ZNF649: variants seen among roughly 807,000 people sequenced by gnomAD.
ZNF649 encodes the protein zinc finger protein 649.
A neutral mutation model predicts 14.1 loss-of-function variants in ZNF649; 7 were observed. That is an observed-to-expected ratio of 0.49 (90% confidence interval 0.28 to 0.93). ZNF649 has a LOEUF of 0.93. Among genes scored for constraint, ZNF649 ranks in the 40% least tolerant of loss-of-function variants. The pLI is 0.10. For missense variants in ZNF649, 544 were observed against 608.1 expected (o/e 0.89, Z 1.11); for synonymous variants, 227 against 212.3 (o/e 1.07, Z -0.60).
In ZNF649 at chr19:51,892,049, A is replaced by C. The variant is rs537765359; in HGVS notation, c.239-152T>G. The C allele has an allele frequency of 1.9e-5, 19 of 1,008,370 alleles. No homozygotes were observed. The East Asian group carries it at 5.4e-4, about 29-fold the overall frequency. The allele number at this position is 1,008,370 out of a possible 1,614,324, so 62.5% of individuals were successfully genotyped here. ...ATAAGTGTTCCCTATCTGTTAAAAA[A>C]ACTTTTAAGAATTGTAGTTAAATAC... is the stretch of plus-strand genomic sequence containing the variant. On this transcript the variant is annotated intron_variant, in intron 4 of 4. Transcript: ENST00000354957.
rs148926580 is a variant in ZNF649 at position 51,896,227 on chromosome 19, G to C, written c.238+245C>G. On this transcript the variant is annotated intron_variant, in intron 4 of 4. Transcript: ENST00000354957. ...GAAGATGTGAAAATCCAAGCAAGAA[G>C]AACTTAGGGGAAGCAACTCAACATC... 33 of 351,004 alleles carry C rather than the reference G, an allele frequency of 9.4e-5. No individual in the cohort carries two copies. The East Asian group carries it at 9.7e-4, about 10-fold the overall frequency. 21.7% of individuals were successfully genotyped at this position (351,004 alleles called of 1,614,324 possible). A position where few individuals can be genotyped will look rare whatever the true frequency, so the allele number is the denominator to read the frequency against.
In ZNF649 at chr19:51,891,396, T is replaced by C. The variant is rs2085021267; in HGVS notation, c.740A>G (p.Tyr247Cys). The C allele has an allele frequency of 6.2e-7, 1 of 1,613,908 alleles. No individual in the cohort carries two copies. The highest frequency in any genetic ancestry group is 8.5e-7 in the Non-Finnish European group (1 of 1,179,916). ...SLCGKAFYKR[Y>C]RLTEHERAHK... is the part of the protein sequence containing the mutation. ...AGCTCTCTCGTGTTCAGTGAGCCTG[T>C]ACCTCTTGTAGAAGGCTTTCCCACA... is the stretch of plus-strand genomic sequence containing the variant. Residue 247 changes from tyrosine (Y) to cysteine (C), a missense_variant, in exon 5 of 5, where the codon TAC (tyrosine) becomes TGC (cysteine). Coordinates refer to ENST00000354957, the MANE Select transcript of ZNF649 (RefSeq NM_023074.4). The surrounding 1 kb of genome is among the most constrained non-coding windows in gnomAD (Gnocchi z 4.2).
chr19:51,895,151 T>C (rs974877027), intron 4 of ZNF649, among the ~76,000 whole-genome samples: 2 of 152,162 alleles, frequency 1.3e-5, no homozygotes, highest in Non-Finnish European at 2.9e-5. Context: ...GTGGTATCTA[T>C]GGGAGTGGCT....
chr19:51,904,585 C>A (rs1222693046), intron 1 of ZNF649, among the ~76,000 whole-genome samples: 2 of 151,990 alleles, frequency 1.3e-5, no homozygotes, highest in Admixed American at 6.6e-5. Context: ...CCGGCTTCAT[C>A]ACCGACTTTA....
intron 1 of ZNF649, among the ~76,000 whole-genome samples, 163 bp downstream of exon 1, chr19:51,904,751 C>A (rs2085113834): frequency 6.6e-6 from 1 of 152,120 alleles, no homozygotes; most frequent in Non-Finnish European, 1.5e-5. Flanking sequence ...AGTCGCTGAA[C>A]TCGACAGACC....
chr19:51,891,546 T>C lies in ZNF649; in HGVS notation c.590A>G (p.Lys197Arg), dbSNP rs763422101. 6.8e-6 allele frequency: 11 copies of C among 1,614,264 alleles called. No individual in the cohort carries two copies. The highest frequency in any genetic ancestry group is 8.5e-6 in the Non-Finnish European group (10 of 1,180,052). ...GGGTTTCTTTCCTGTATGAATTCTC[T>C]TATGCTCAGTGAGCTGAGACTTCTT... ...FLKKSQLTEHKRIHTGKKPHV... is the reference protein window; with the variant it reads ...FLKKSQLTEHRRIHTGKKPHV... The change falls in exon 5 of 5, where the codon AAG (lysine) becomes AGG (arginine). Residue 197 changes from lysine (K) to arginine (R), a missense_variant. Physicochemically the swap from Lys to Arg is conservative, Grantham distance 26 (BLOSUM62 2). Coordinates refer to ENST00000354957, the MANE Select transcript of ZNF649 (RefSeq NM_023074.4). The surrounding 1 kb of genome is among the most constrained non-coding windows in gnomAD (Gnocchi z 4.2).
In ZNF649 at chr19:51,891,255, T is replaced by C. The variant is rs375389369; in HGVS notation, c.881A>G (p.Glu294Gly). The C allele has an allele frequency of 1.9e-6, 3 of 1,614,136 alleles. No individual in the cohort carries two copies. The highest frequency in any genetic ancestry group is 2.5e-6 in the Non-Finnish European group (3 of 1,180,052). Residue 294 changes from glutamate (E) to glycine (G), a missense_variant, in exon 5 of 5, where the codon GAA becomes GGA. Physicochemically the swap from Glu to Gly is moderately conservative, Grantham distance 98. Coordinates refer to ENST00000354957, the MANE Select transcript of ZNF649 (RefSeq NM_023074.4). This position sits in a 1 kb window ranked among gnomAD's most constrained non-coding sequence, Gnocchi z 4.2. ...HTGIKPHQCS[E>G]CGRAFSRKSL... ...TTTTCTGGAGAAAGCTCTCCCACATTCGCTGCATTGATGGGGCTTAATTCC... is the reference window on the plus strand; with the variant it reads ...TTTTCTGGAGAAAGCTCTCCCACATCCGCTGCATTGATGGGGCTTAATTCC...
intron 2 of ZNF649, 128 bp from the exon 3 acceptor site, chr19:51,897,106 TG>T: frequency 2.2e-6 from 3 of 1,347,326 alleles, no homozygotes; most frequent in Non-Finnish European, 3.1e-6. Context: ...CTCAATGGAA[TG>T]GTTTCAGGAT....
intron 1 of ZNF649, among the ~76,000 whole-genome samples, chr19:51,902,920 CCTA>C (rs1174110857): frequency 4.3e-4 from 65 of 152,172 alleles, no homozygotes; most frequent in African/African-American, 1.5e-3. Flanking sequence ...CCCAAGGCGA[CCTA>C]CTAGAGCGAT....
Position 51,896,584 on chromosome 19 carries a change from G to T in ZNF649, c.143-17C>A. ...CTTGATACCCTGTTTGTGGGAAATG[G>T]GAGAAGACTTAGGCTCACTGAATTG... is the stretch of plus-strand genomic sequence containing the variant. On this transcript the variant is annotated splice_polypyrimidine_tract_variant and intron_variant, in intron 3 of 4. Coordinates refer to ENST00000354957, the MANE Select transcript of ZNF649 (RefSeq NM_023074.4). 6.2e-7 allele frequency: 1 copy of T among 1,613,388 alleles called. No individual in the cohort carries two copies. The highest frequency in any genetic ancestry group is 8.5e-7 in the Non-Finnish European group (1 of 1,179,332).
At chr19:51,897,821 A>G (rs76968510) in intron 2 of ZNF649, among the ~76,000 whole-genome samples, 2,473 of 152,208 alleles carry the variant, frequency 0.016, 68 homozygotes, top group African/African-American at 0.057. Flanking sequence ...AGTCTTTCAC[A>G]TTGAAAATCT....
rs2085069010 is a variant in ZNF649, at chr19:51,897,363, G to A, written c.16-385C>T. On this transcript the variant is annotated intron_variant, in intron 2 of 4. Transcript: ENST00000354957. The stretch of plus-strand genomic sequence containing the variant: ...ATATTCTATATTTTATAATAACCAT[G>A]CAGCCATCCATTAATCCAACAAATC... 3.8e-5 allele frequency: 7 copies of A among 184,888 alleles called. No individual in the cohort carries two copies. The South Asian group carries it at 3.8e-4, about 10-fold the overall frequency. The allele number at this position is 184,888 out of a possible 1,614,324, so 11.5% of individuals were successfully genotyped here.
intron 2 of ZNF649, among the ~76,000 whole-genome samples, chr19:51,897,380 CA>C (rs1290795281): frequency 1.3e-5 from 2 of 152,042 alleles, no homozygotes; most frequent in Admixed American, 6.6e-5. Flanking sequence ...TCCATTAATC[CA>C]ACAAATCATA....
At position 51,890,660 on chromosome 19, in the gene ZNF649, C is replaced by G. The variant is rs1358560890; in HGVS notation, c.1476G>C (p.Met492Ile). 1 of 1,613,926 alleles carries G rather than the reference C, an allele frequency of 6.2e-7. No homozygotes were observed. The highest frequency in any genetic ancestry group is 1.3e-5 in the African/African-American group (1 of 74,916). The stretch of plus-strand genomic sequence containing the variant: ...GGGCAAACTCACACTGCCCTGCCAC[C>G]ATTGCCACAGTTACCATATTAACAG... ...KSPVNMVTVAMVAGQCEFAHI... is the reference protein window; with the variant it reads ...KSPVNMVTVAIVAGQCEFAHI... The change falls in exon 5 of 5, where the codon ATG (methionine) becomes ATC (isoleucine). Residue 492 changes from methionine (M) to isoleucine (I), a missense_variant. Met to Ile is a conservative substitution (Grantham distance 10). Coordinates refer to ENST00000354957, the MANE Select transcript of ZNF649 (RefSeq NM_023074.4).
intron 4 of ZNF649, among the ~76,000 whole-genome samples, chr19:51,895,406 C>T (rs373274603): frequency 7.2e-5 from 11 of 152,026 alleles, no homozygotes; most frequent in South Asian, 2.1e-4. Context: ...TGAAATGGCG[C>T]GATCTCAGCT....
rs747739024 is a variant in ZNF649, at chr19:51,891,299, T to C, written c.837A>G (p.Glu279=). The C allele has an allele frequency of 6.2e-7, 1 of 1,614,140 alleles. No individual in the cohort carries two copies. Among genetic ancestry groups the C allele is most frequent in the East Asian group, 2.2e-5 (1 of 44,900 alleles). Residue 279 remains glutamate (E), a synonymous_variant, in exon 5 of 5, where the codon GAA becomes GAG. Transcript: ENST00000354957. The surrounding 1 kb of genome is among the most constrained non-coding windows in gnomAD (Gnocchi z 4.2). The part of the protein sequence containing the change: ...KAFPRKSELT[E]HQRIHTGIKP... ...TAATTCCCGTGTGAATCCTTTGATG[T>C]TCAGTAAGCTCAGATTTCCTGGGGA...
intron 1 of ZNF649, among the ~76,000 whole-genome samples, chr19:51,903,353 G>A (rs1264999477): frequency 1.3e-5 from 2 of 152,028 alleles, no homozygotes; most frequent in Non-Finnish European, 2.9e-5. Context: ...AAATGACATG[G>A]TTAGTTGCCC....
chr19:51,896,412 C>G, intron 4 of ZNF649, 60 bp downstream of exon 4: 3 of 1,487,934 alleles, frequency 2.0e-6, no homozygotes, highest in Non-Finnish European at 2.8e-6. Context: ...CATGCCTTCT[C>G]TAAATGACCA....
rs6509593 is a variant in ZNF649, at chr19:51,891,081, C to T, written c.1055G>A (p.Gly352Asp). 620 of 1,614,180 alleles carry T rather than the reference C, an allele frequency of 3.8e-4. 2 individuals are homozygous for T. In the African/African-American group the frequency reaches 7.5e-3, roughly 20 times the overall value. The stretch of plus-strand genomic sequence containing the variant: ...GCAAGACTTCTGGCTGAAGGCCTTG[C>T]CACAGTCAATGCATCCATAAGGTTT... ...GEKPYGCIDC[G>D]KAFSQKSCLV... The change falls in exon 5 of 5, where the codon GGC becomes GAC. Residue 352 changes from glycine (G) to aspartate (D), a missense_variant. Physicochemically the swap from Gly to Asp is moderately conservative, Grantham distance 94 (BLOSUM62 -1). Transcript: ENST00000354957. The surrounding 1 kb of genome is among the most constrained non-coding windows in gnomAD (Gnocchi z 4.2).
Sources: gnomAD v4.1 joint callset for allele counts (sites outside exome capture counted in the v4.1 genomes callset) on GRCh38, gnomAD v4.1.1 for gene constraint, Gnocchi (gnomAD v3.1) non-coding constraint, MANE v1.5 for transcripts, NCBI Gene and HGNC (gene_info 2026-07-23, HGNC 2026-07-21) for gene names.